The following DPP10 variants were observed in gnomAD, a reference collection of about 807,000 sequenced individuals.
The protein encoded by DPP10 is dipeptidyl peptidase like 10, also known as inactive dipeptidyl peptidase 10.
Under a neutral mutation model 120.9 loss-of-function variants are expected in DPP10, and 33 were observed. The observed-to-expected ratio is 0.27, with a 90% CI of 0.21 to 0.37. The LOEUF (loss-of-function observed/expected upper bound fraction) is 0.37. DPP10 is among the 10% of genes least tolerant of loss of function. DPP10 has a pLI of 1.00. For missense variants in DPP10, 816 were observed against 942.8 expected, an observed-to-expected ratio of 0.87 and a Z score of 1.76; for synonymous variants, 337 against 326.1, an observed-to-expected ratio of 1.03 and a Z score of -0.36.
At chr2:114,885,677 G>A (rs1357164187) in intron 1 of DPP10, among the ~76,000 whole-genome samples, 1 of 152,048 alleles carries the variant, frequency 6.6e-6, no homozygotes, top group Non-Finnish European at 1.5e-5. Flanking sequence ...TAATACCCTA[G>A]ATGATTCTAG....
chr2:115,312,826 G>A (rs1392202640), intron 2 of DPP10, among the ~76,000 whole-genome samples: 5 of 152,164 alleles, frequency 3.3e-5, no homozygotes, highest in African/African-American at 1.2e-4. Flanking sequence ...TTTCAACCAA[G>A]TAGAGGAATC....
chr2:115,508,678 G>A (rs1443476108), intron 4 of DPP10, among the ~76,000 whole-genome samples: 1 of 152,160 alleles, frequency 6.6e-6, no homozygotes, highest in Non-Finnish European at 1.5e-5. Context: ...CCTGAGGCAG[G>A]TGGATCACAA....
intron 5 of DPP10, among the ~76,000 whole-genome samples, chr2:115,598,306 G>A (rs2083111812): frequency 6.6e-6 from 1 of 151,400 alleles, no homozygotes; most frequent in Non-Finnish European, 1.5e-5. Flanking sequence ...TTTCTATGAT[G>A]GTCATCTTTT....
chr2:115,185,588 C>G (rs1451873230), intron 1 of DPP10, among the ~76,000 whole-genome samples: 1 of 152,062 alleles, frequency 6.6e-6, no homozygotes, highest in African/African-American at 2.4e-5. Flanking sequence ...TTATGTCAAT[C>G]TATGTTAAAA....
At chr2:115,677,462 A>G (rs2090352534) in intron 5 of DPP10, among the ~76,000 whole-genome samples, 1 of 148,324 alleles carries the variant, frequency 6.7e-6, no homozygotes, top group South Asian at 2.2e-4. Flanking sequence ...TAAATTCCCC[A>G]ATAAAAAGAT....
At chr2:115,409,812 C>A (rs1310656198) in intron 3 of DPP10, among the ~76,000 whole-genome samples, 1 of 152,150 alleles carries the variant, frequency 6.6e-6, no homozygotes, top group Admixed American at 6.5e-5. Flanking sequence ...TGTGTATATA[C>A]CATGGAATAC....
chr2:114,653,166 A>G (rs1420924400), intron 1 of DPP10, among the ~76,000 whole-genome samples: 1 of 152,146 alleles, frequency 6.6e-6, no homozygotes, highest in Non-Finnish European at 1.5e-5. Context: ...TGTCTTTTGC[A>G]GACGTAATTA....
At chr2:115,485,440 T>A (rs755720465) in intron 3 of DPP10, among the ~76,000 whole-genome samples, 1 of 152,148 alleles carries the variant, frequency 6.6e-6, no homozygotes, top group Non-Finnish European at 1.5e-5. Context: ...TATTTTATAT[T>A]CGTGCCCTTC....
At chr2:114,648,435 C>T (rs1312342907) in intron 1 of DPP10, among the ~76,000 whole-genome samples, 1 of 152,190 alleles carries the variant, frequency 6.6e-6, no homozygotes, top group East Asian at 1.9e-4. Flanking sequence ...ACATGATCTT[C>T]ATCCCAGTAT....
chr2:115,787,870 A>G (rs997505241), intron 17 of DPP10, among the ~76,000 whole-genome samples: 5 of 152,202 alleles, frequency 3.3e-5, no homozygotes, highest in African/African-American at 1.2e-4. Context: ...GTAAAAACGA[A>G]TGACTACAGA....
At chr2:114,530,526 C>G (rs1045998790) in intron 1 of DPP10, among the ~76,000 whole-genome samples, 1 of 152,040 alleles carries the variant, frequency 6.6e-6, no homozygotes, top group Non-Finnish European at 1.5e-5. Context: ...GGGGCTCATT[C>G]AAAAACATTT....
intron 1 of DPP10, among the ~76,000 whole-genome samples, chr2:115,021,677 C>G (rs1703086086): frequency 6.6e-6 from 1 of 152,016 alleles, no homozygotes; most frequent in East Asian, 1.9e-4. Context: ...CAGTATCACC[C>G]TAATACCTAA....
intron 1 of DPP10, among the ~76,000 whole-genome samples, chr2:114,704,181 G>A (rs924252266): frequency 3.9e-5 from 6 of 152,166 alleles, no homozygotes; most frequent in Non-Finnish European, 7.4e-5. Context: ...AGATAAAGAT[G>A]GGATTAGGCA....
At chr2:114,657,457 T>C (rs902710955) in intron 1 of DPP10, among the ~76,000 whole-genome samples, 15 of 152,202 alleles carry the variant, frequency 9.9e-5, no homozygotes, top group African/African-American at 3.6e-4. Context: ...TTTTTCATTC[T>C]TGTTTAAATA....
At chr2:115,117,907 A>G (rs2049605398) in intron 1 of DPP10, among the ~76,000 whole-genome samples, 1 of 152,194 alleles carries the variant, frequency 6.6e-6, no homozygotes, top group African/African-American at 2.4e-5. Flanking sequence ...CATATTGTGG[A>G]GAGCATGGAT....
At chr2:115,084,524 T>C (rs887028325) in intron 1 of DPP10, among the ~76,000 whole-genome samples, 3 of 152,222 alleles carry the variant, frequency 2.0e-5, no homozygotes, top group Non-Finnish European at 4.4e-5. Context: ...ATGATTGCAG[T>C]GCCTAAGCAG....
intron 1 of DPP10, among the ~76,000 whole-genome samples, chr2:115,118,069 C>T (rs1271365710): frequency 6.6e-6 from 1 of 152,210 alleles, no homozygotes; most frequent in Admixed American, 6.5e-5. Flanking sequence ...TATCCCTTCT[C>T]TGAGATGGGT....
chr2:115,839,483 GA>G (rs1282708567), intron 24 of DPP10, among the ~76,000 whole-genome samples: 1 of 151,860 alleles, frequency 6.6e-6, no homozygotes, highest in Non-Finnish European at 1.5e-5. Flanking sequence ...AGACCAGCCT[GA>G]CCAACATGGT....
At chr2:115,324,171 G>T (rs2062215910) in intron 2 of DPP10, among the ~76,000 whole-genome samples, 1 of 152,144 alleles carries the variant, frequency 6.6e-6, no homozygotes, top group Non-Finnish European at 1.5e-5. Flanking sequence ...AGCTACTCGG[G>T]AGGCTGAGGC....
Sources: allele counts gnomAD v4.1 joint callset (sites outside exome capture counted in the v4.1 genomes callset), GRCh38; gene constraint gnomAD v4.1.1; transcripts MANE v1.5; gene names NCBI Gene and HGNC (gene_info 2026-07-23, HGNC 2026-07-21).